The following PRPF3 variants were observed in gnomAD, a reference collection of about 807,000 sequenced individuals.
PRPF3 encodes the protein pre-mRNA processing factor 3, also known as U4/U6 small nuclear ribonucleoprotein Prp3.
PRPF3 carries 3 observed loss-of-function variants against 89.2 expected under a neutral mutation model. The ratio of observed to expected loss-of-function variants is 0.03; its 90% confidence interval spans 0.02 to 0.09. The LOEUF (loss-of-function observed/expected upper bound fraction) is 0.09. Among genes scored for constraint, PRPF3 ranks in the 10% least tolerant of loss-of-function variants. The pLI, the probability that PRPF3 is intolerant of heterozygous loss-of-function variation, is 1.00. For missense variants in PRPF3, 463 were observed against 828.8 expected (o/e 0.56, Z 5.42); for synonymous variants, 270 against 289.1 (o/e 0.93, Z 0.67).
intron 6 of PRPF3, 109 bp downstream of exon 6, chr1:150,333,308 G>A (rs929175399): frequency 2.2e-5 from 27 of 1,246,450 alleles, no homozygotes; most frequent in African/African-American, 3.0e-5. Flanking sequence ...GCCTGTAATC[G>A]TAGCACTTTG....
At chr1:150,322,918 A>C (rs912687301) in intron 1 of PRPF3, among the ~76,000 whole-genome samples, 2 of 149,430 alleles carry the variant, frequency 1.3e-5, no homozygotes, top group Non-Finnish European at 3.0e-5. Context: ...TCTGTCGCCC[A>C]GGCTGGAGTG....
chr1:150,334,860 C>A, intron 6 of PRPF3, 75 bp from the exon 7 acceptor site: 1 of 1,551,704 alleles, frequency 6.4e-7, no homozygotes. Context: ...TGAGCCACCA[C>A]GCCTGGCTTT....
intron 9 of PRPF3, 62 bp downstream of exon 9, chr1:150,340,539 G>C (rs1220492460): frequency 8.0e-7 from 1 of 1,249,134 alleles, no homozygotes; most frequent in Non-Finnish European, 1.2e-6. Context: ...AATTTATACA[G>C]TGAGGAACAT....
intron 12 of PRPF3, among the ~76,000 whole-genome samples, 180 bp downstream of exon 12, chr1:150,344,727 T>G (rs929796138): frequency 1.3e-5 from 2 of 150,738 alleles, no homozygotes; most frequent in Non-Finnish European, 3.0e-5. Flanking sequence ...TAATGACTTA[T>G]GTTTATGGTT....
At chr1:150,335,988 T>A (rs1313148791) in intron 7 of PRPF3, among the ~76,000 whole-genome samples, 6 of 151,362 alleles carry the variant, frequency 4.0e-5, no homozygotes, top group African/African-American at 1.5e-4. Flanking sequence ...CCGGCTGGTC[T>A]TAAACTCCTG....
At chr1:150,350,074 A>G (rs587633297) in intron 15 of PRPF3, among the ~76,000 whole-genome samples, 31 of 151,644 alleles carry the variant, frequency 2.0e-4, no homozygotes, top group Admixed American at 7.2e-4. Context: ...TTTTGTATTT[A>G]TAGTAGAGAC....
Position 150,338,926 on chromosome 1 carries a change from T to C in PRPF3, c.1202+600T>C, listed in dbSNP as rs368384019. ...TACAAAAGCAAAGTCTAGAATTCTT[T>C]TTGCTCTGTTACACATTGTTGCCTG... On this transcript the variant is annotated intron_variant, in intron 8 of 15. Coordinates refer to ENST00000324862, the MANE Select transcript of PRPF3 (RefSeq NM_004698.4). Among the ~76,000 whole-genome samples, 34 of 152,304 alleles carry C rather than the reference T, an allele frequency of 2.2e-4. 1 individual carries two copies. The South Asian group carries it at 7.0e-3, about 32-fold the overall frequency.
intron 4 of PRPF3, chr1:150,330,121 C>T (rs1413493128): frequency 1.3e-5 from 2 of 152,330 alleles, no homozygotes; most frequent in South Asian, 2.1e-4. Flanking sequence ...GTGGCGAGAT[C>T]TTGGCTTACT....
chr1:150,352,625 A>C (rs1321106466), intron 15 of PRPF3, among the ~76,000 whole-genome samples: 2 of 152,204 alleles, frequency 1.3e-5, no homozygotes, highest in Non-Finnish European at 2.9e-5. Flanking sequence ...AGATCGTGCC[A>C]CTGCACTCCA....
intron 8 of PRPF3, 102 bp downstream of exon 8, chr1:150,338,428 G>T: frequency 8.7e-7 from 1 of 1,154,878 alleles, no homozygotes; most frequent in Non-Finnish European, 1.3e-6. Context: ...TAGTGGGAAG[G>T]ATGGTACTCA....
rs782134053 is a variant in PRPF3 at position 150,325,735 on chromosome 1, C to T, written c.146-16C>T. On this transcript the variant is annotated splice_polypyrimidine_tract_variant and intron_variant, in intron 2 of 15. Coordinates refer to ENST00000324862, the MANE Select transcript of PRPF3 (RefSeq NM_004698.4). ...TCTTACCTTTCCAACCCTACCACCG[C>T]CTTTCTTCCTGTCAGATCATCTGAA... The T allele has an allele frequency of 1.9e-6, 3 of 1,610,846 alleles. No homozygotes were observed. The highest frequency in any genetic ancestry group is 2.5e-6 in the Non-Finnish European group (3 of 1,178,002).
Position 150,337,014 on chromosome 1 carries a change from C to T in PRPF3, c.1036-1146C>T, listed in dbSNP as rs1657077515. On this transcript the variant is annotated intron_variant, in intron 7 of 15. Coordinates refer to ENST00000324862, the MANE Select transcript of PRPF3 (RefSeq NM_004698.4). ...ATGACCTTTGCCGCCTTTTTATCCT[C>T]TCAAAGTGAGGTTTTCATAAAATTC... Among the ~76,000 whole-genome samples the T allele has an allele frequency of 3.4e-5, 5 of 147,564 alleles. No homozygotes were observed. In the South Asian group the frequency reaches 1.1e-3, roughly 32 times the overall value.
chr1:150,322,575 AATT>A (rs778788845), intron 1 of PRPF3, among the ~76,000 whole-genome samples: 42 of 152,298 alleles, frequency 2.8e-4, no homozygotes, highest in Non-Finnish European at 4.1e-4. Context: ...ACCACCATAG[AATT>A]ACTCACGTAA....
In PRPF3 at chr1:150,331,328, C is replaced by T. The variant is rs182819350; in HGVS notation, c.424-1356C>T. Among the ~76,000 whole-genome samples, 17 of 151,236 alleles carry T rather than the reference C, an allele frequency of 1.1e-4. No individual in the cohort carries two copies. In the South Asian group the frequency reaches 1.3e-3, roughly 11 times the overall value. ...TTGGGATTACAGGCGTGAGCCACCA[C>T]GCCCAGCCCTGTAATTTTTAATTTT... On this transcript the variant is annotated intron_variant, in intron 4 of 15. Coordinates refer to ENST00000324862, the MANE Select transcript of PRPF3 (RefSeq NM_004698.4).
rs587668559 is a variant in PRPF3, at chr1:150,327,063, T to C, written c.276+1182T>C. Among the ~76,000 whole-genome samples the C allele has an allele frequency of 1.1e-4, 16 of 150,904 alleles. No individual in the cohort carries two copies. In the East Asian group the frequency reaches 3.1e-3, roughly 29 times the overall value. On this transcript the variant is annotated intron_variant, in intron 3 of 15. Transcript: ENST00000324862. ...ATGTCACGATAGGGCATACTTCTTT[T>C]TTTTTTTCCTTTTTTTTTTTCTAAG...
chr1:150,338,174 G>A lies in PRPF3; in HGVS notation c.1050G>A (p.Lys350=), dbSNP rs1553868777. The change falls in exon 8 of 16, where the codon AAG becomes AAA. Residue 350 remains lysine (K), a synonymous_variant. Transcript: ENST00000324862. The stretch of plus-strand genomic sequence containing the variant: ...CTTGTTTTTAGGCTCAACTGGAGAA[G>A]CTACAGGCAGAGATTTCACAAGCAG... The part of the protein sequence containing the change: ...QRLRTKAQLE[K]LQAEISQAAR... 4.3e-6 allele frequency: 7 copies of A among 1,613,952 alleles called. No homozygotes were observed. In the South Asian group the frequency reaches 6.6e-5, roughly 15 times the overall value.
At chr1:150,333,976 C>T (rs1656699890) in intron 6 of PRPF3, among the ~76,000 whole-genome samples, 1 of 152,098 alleles carries the variant, frequency 6.6e-6, no homozygotes, top group Non-Finnish European at 1.5e-5. Context: ...TTTGGTTGTC[C>T]TGTATACTGA....
chr1:150,323,509 C>T (rs1655337216), intron 1 of PRPF3, among the ~76,000 whole-genome samples: 1 of 151,578 alleles, frequency 6.6e-6, no homozygotes, highest in Admixed American at 6.6e-5. Flanking sequence ...GTGGTGCATG[C>T]CTGTAGTCCC....
At chr1:150,346,194 T>G in intron 13 of PRPF3, 58 bp downstream of exon 13, 10 of 1,464,424 alleles carry the variant, frequency 6.8e-6, no homozygotes, top group Middle Eastern at 1.7e-4. Context: ...TTAGAGTGAT[T>G]AGCATTGTGG....
Sources: gnomAD v4.1 joint callset for allele counts (sites outside exome capture counted in the v4.1 genomes callset) on GRCh38, gnomAD v4.1.1 for gene constraint, MANE v1.5 for transcripts, NCBI Gene and HGNC (gene_info 2026-07-23, HGNC 2026-07-21) for gene names.